ITPRID1: variants seen among roughly 807,000 people sequenced by gnomAD.
The protein encoded by ITPRID1 is protein ITPRID1.
In ITPRID1, 96 loss-of-function variants were observed where a neutral mutation model predicts 95.4. That is an observed-to-expected ratio of 1.01 (90% CI 0.85 to 1.19). ITPRID1 has a LOEUF of 1.19. Among genes scored for constraint, ITPRID1 ranks in the 50% most tolerant of loss-of-function variants. ITPRID1 has a pLI of 0.00. For missense variants in ITPRID1, 1,339 were observed against 1,252.9 expected, an observed-to-expected ratio of 1.07 and a Z score of -1.04; for synonymous variants, 510 against 453.6, an observed-to-expected ratio of 1.12 and a Z score of -1.58.
At chr7:31,526,839 C>A (rs1333714557) in intron 1 of ITPRID1, among the ~76,000 whole-genome samples, 3 of 152,112 alleles carry the variant, frequency 2.0e-5, no homozygotes, top group Non-Finnish European at 4.4e-5. Context: ...TCCCCAGCCT[C>A]CTTTTTTCAG....
chr7:31,621,849 A>G (rs1033272961), intron 10 of ITPRID1, among the ~76,000 whole-genome samples: 8 of 151,920 alleles, frequency 5.3e-5, no homozygotes, highest in African/African-American at 1.9e-4. Flanking sequence ...AGTGTGTTGT[A>G]TTCAGGAAAC....
intron 5 of ITPRID1, among the ~76,000 whole-genome samples, chr7:31,567,689 C>T (rs1784848429): frequency 6.6e-6 from 1 of 151,748 alleles, no homozygotes; most frequent in African/African-American, 2.4e-5. Context: ...TCACACCATT[C>T]TCCTGCCTCA....
chr7:31,523,070 G>A (rs1474748833), intron 1 of ITPRID1, among the ~76,000 whole-genome samples: 1 of 152,224 alleles, frequency 6.6e-6, no homozygotes, highest in African/African-American at 2.4e-5. Context: ...TAAATGAGAT[G>A]ATGTTTGTAA....
At chr7:31,525,259 ACT>A (rs952111607) in intron 1 of ITPRID1, among the ~76,000 whole-genome samples, 1 of 151,936 alleles carries the variant, frequency 6.6e-6, no homozygotes, top group Admixed American at 6.6e-5. Flanking sequence ...AGCACTTGTG[ACT>A]CTAAGTCCTA....
In ITPRID1 at chr7:31,643,692, T is replaced by C. The variant is rs1250016168; in HGVS notation, c.2322T>C (p.His774=). The part of the protein sequence containing the change: ...TSALSNKTLT[H]GPQPLTKSVS... The stretch of plus-strand genomic sequence containing the variant: ...CTCTAAGCAACAAGACCTTGACACA[T>C]GGGCCCCAGCCCCTCACCAAATCCG... Residue 774 remains histidine (H), a synonymous_variant, in exon 12 of 15, where the codon CAT becomes CAC. Transcript: ENST00000615280. The C allele has an allele frequency of 9.9e-6, 16 of 1,613,934 alleles. No individual in the cohort carries two copies. The highest frequency in any genetic ancestry group is 4.5e-5 in the East Asian group (2 of 44,894).
chr7:31,637,216 T>G (rs1443047594), intron 10 of ITPRID1, among the ~76,000 whole-genome samples: 1 of 152,162 alleles, frequency 6.6e-6, no homozygotes, highest in Non-Finnish European at 1.5e-5. Context: ...TGTGTCTTTA[T>G]AGCAGCATGA....
chr7:31,618,509 G>GA (rs985379580), intron 10 of ITPRID1, among the ~76,000 whole-genome samples: 7 of 152,046 alleles, frequency 4.6e-5, no homozygotes, highest in Non-Finnish European at 7.4e-5. Flanking sequence ...CTAATCCCAA[G>GA]AAAAAATGCC....
At chr7:31,515,521 G>C (rs1400738520) in intron 1 of ITPRID1, among the ~76,000 whole-genome samples, 1 of 152,166 alleles carries the variant, frequency 6.6e-6, no homozygotes. Context: ...TTTGCAGTGA[G>C]CTGAGATATC....
At chr7:31,633,059 G>T (rs1161010293) in intron 10 of ITPRID1, among the ~76,000 whole-genome samples, 1 of 151,908 alleles carries the variant, frequency 6.6e-6, no homozygotes, top group Admixed American at 6.6e-5. Flanking sequence ...GCTAATTTTT[G>T]TATTTTTAGT....
chr7:31,617,205 T>C (rs910332439), intron 10 of ITPRID1, among the ~76,000 whole-genome samples: 1 of 152,204 alleles, frequency 6.6e-6, no homozygotes, highest in East Asian at 1.9e-4. Context: ...CTATTATTTC[T>C]TCTATAAACT....
intron 10 of ITPRID1, among the ~76,000 whole-genome samples, chr7:31,622,646 G>T (rs538091630): frequency 6.6e-6 from 1 of 152,096 alleles, no homozygotes; most frequent in South Asian, 2.1e-4. Context: ...ATGCCCACAA[G>T]AGAAAGCAGG....
chr7:31,587,157 G>A (rs1346099539), intron 10 of ITPRID1, among the ~76,000 whole-genome samples: 2 of 152,108 alleles, frequency 1.3e-5, no homozygotes, highest in Non-Finnish European at 2.9e-5. Flanking sequence ...GGCAGGAGAA[G>A]GAAATAAAGG....
intron 5 of ITPRID1, among the ~76,000 whole-genome samples, chr7:31,561,816 ACTCTT>A: frequency 6.6e-6 from 1 of 152,156 alleles, no homozygotes; most frequent in South Asian, 2.1e-4. Context: ...GGGCAGATTA[ACTCTT>A]CTTCATGGTC....
At chr7:31,564,456 GT>G (rs1298843584) in intron 5 of ITPRID1, among the ~76,000 whole-genome samples, 1 of 151,920 alleles carries the variant, frequency 6.6e-6, no homozygotes, top group Non-Finnish European at 1.5e-5. Context: ...GTAAAATCTG[GT>G]TTAAAAAAAC....
intron 10 of ITPRID1, among the ~76,000 whole-genome samples, chr7:31,592,465 CAAAAT>C (rs1392416094): frequency 1.3e-5 from 2 of 152,140 alleles, no homozygotes; most frequent in East Asian, 1.9e-4. Flanking sequence ...AGATGTTACT[CAAAAT>C]AAAGTACTCT....
At chr7:31,648,436 A>G (rs1042599980) in intron 12 of ITPRID1, among the ~76,000 whole-genome samples, 1 of 152,060 alleles carries the variant, frequency 6.6e-6, no homozygotes, top group Non-Finnish European at 1.5e-5. Context: ...AATCATTTCT[A>G]TACTTATTCT....
chr7:31,537,606 T>C (rs1180056378), intron 1 of ITPRID1, among the ~76,000 whole-genome samples: 2 of 152,166 alleles, frequency 1.3e-5, no homozygotes, highest in Non-Finnish European at 2.9e-5. Context: ...ACACATTATA[T>C]TTAGAGACTG....
At chr7:31,570,199 T>C (rs1356024110) in intron 6 of ITPRID1, among the ~76,000 whole-genome samples, 2 of 152,208 alleles carry the variant, frequency 1.3e-5, no homozygotes, top group Admixed American at 6.5e-5. Context: ...CAATTTCCAA[T>C]GCTAGGTAGA....
At chr7:31,607,627 G>T (rs945658259) in intron 10 of ITPRID1, among the ~76,000 whole-genome samples, 2 of 151,860 alleles carry the variant, frequency 1.3e-5, no homozygotes, top group Non-Finnish European at 2.9e-5. Flanking sequence ...AATAATATGT[G>T]TTGGTCTGTT....
Sources: gnomAD v4.1 joint callset for allele counts (sites outside exome capture counted in the v4.1 genomes callset) on GRCh38, gnomAD v4.1.1 for gene constraint, MANE v1.5 for transcripts, NCBI Gene and HGNC (gene_info 2026-07-23, HGNC 2026-07-21) for gene names.